SENP5: variants seen among roughly 807,000 people sequenced by gnomAD.
SENP5 encodes SUMO specific peptidase 5.
Under a neutral mutation model 74.2 loss-of-function variants are expected in SENP5, and 21 were observed. The ratio of observed to expected loss-of-function variants is 0.28; its 90% confidence interval spans 0.20 to 0.41. The LOEUF (loss-of-function observed/expected upper bound fraction) is 0.41. Ranked by LOEUF, SENP5 falls within the 10% of genes least tolerant of loss-of-function variation. The probability of loss-of-function intolerance (pLI) is 1.00; values close to 1 mark genes in which losing one functional copy is unlikely to be tolerated. For missense variants in SENP5, 717 were observed against 889.1 expected, an observed-to-expected ratio of 0.81 and a Z score of 2.46; for synonymous variants, 311 against 312.7, an observed-to-expected ratio of 0.99 and a Z score of 0.06.
At chr3:196,872,064 G>C (rs574557736) in intron 1 of SENP5, among the ~76,000 whole-genome samples, 1 of 152,184 alleles carries the variant, frequency 6.6e-6, no homozygotes, top group South Asian at 2.1e-4. Context: ...TAACTTTTTC[G>C]TAGTGAAGCT....
chr3:196,933,774 T>G lies in SENP5; in HGVS notation c.*2851T>G, dbSNP rs2108873690. The G allele has an allele frequency of 6.6e-6, 1 of 152,250 alleles. No homozygotes were observed. The highest frequency in any genetic ancestry group is 2.1e-4 in the South Asian group (1 of 4,820). The allele number at this position is 152,250 out of a possible 1,614,324, so 9.4% of individuals were successfully genotyped here. On this transcript the variant is annotated 3_prime_UTR_variant, in exon 10 of 10. Transcript: ENST00000323460. ...CGCCACCACTCCCAGCTAATTTTTG[T>G]ATTTTTAGTAGAGACAGGGTTTTGC...
intron 6 of SENP5, among the ~76,000 whole-genome samples, chr3:196,909,166 A>T (rs1251929366): frequency 1.3e-5 from 2 of 152,214 alleles, no homozygotes; most frequent in Non-Finnish European, 1.5e-5. Context: ...ATCTAGAAGA[A>T]ACGGATAAAT....
At chr3:196,907,989 G>A (rs1239189520) in intron 6 of SENP5, among the ~76,000 whole-genome samples, 10 of 152,164 alleles carry the variant, frequency 6.6e-5, no homozygotes, top group Non-Finnish European at 1.5e-4. Flanking sequence ...ATTTAAAGAG[G>A]CTGGGCGCTG....
chr3:196,912,236 G>A (rs1715164169), intron 6 of SENP5, among the ~76,000 whole-genome samples: 1 of 152,212 alleles, frequency 6.6e-6, no homozygotes, highest in Non-Finnish European at 1.5e-5. Context: ...GGAATACTAT[G>A]CAGCCATTTA....
At chr3:196,915,700 A>G (rs540135386) in intron 6 of SENP5, among the ~76,000 whole-genome samples, 8 of 152,294 alleles carry the variant, frequency 5.3e-5, no homozygotes, top group Admixed American at 4.6e-4. Context: ...CAGGCAGCCC[A>G]TCATGGAGAG....
At position 196,925,167 on chromosome 3, in the gene SENP5, G is replaced by GTT. The variant is rs11304524; in HGVS notation, c.2022+1626_2022+1627dup. ...TAAAGAGGATTTGGCCTCATTTTGC[G>GTT]TTTTTTTTTTTACAAGGAGAATATT... On this transcript the variant is annotated intron_variant, in intron 7 of 9. Transcript: ENST00000323460. 2.2e-3 allele frequency among the ~76,000 whole-genome samples: 323 copies of GTT among 146,758 alleles called. 1 individual carries two copies. The highest frequency in any genetic ancestry group is 3.4e-3 in the Non-Finnish European group (229 of 66,494).
At chr3:196,929,775 T>C (rs1715956204) in intron 9 of SENP5, 92 bp downstream of exon 9, 3 of 840,750 alleles carry the variant, frequency 3.6e-6, no homozygotes, top group Non-Finnish European at 6.1e-6. Flanking sequence ...TATGTGTATA[T>C]GATGCTAGGT....
rs551200128 is a variant in SENP5, at chr3:196,932,264, G to A, written c.*1341G>A. ...GAGGAAAACCAACCAATGTATGTAT[G>A]AGAAACTCAGAAGTCTGAATAGAAA... On this transcript the variant is annotated 3_prime_UTR_variant, in exon 10 of 10. Coordinates refer to ENST00000323460, the MANE Select transcript of SENP5 (RefSeq NM_152699.5). The A allele has an allele frequency of 6.4e-6, 1 of 156,136 alleles. No individual in the cohort carries two copies. Among genetic ancestry groups the A allele is most frequent in the Admixed American group, 6.5e-5 (1 of 15,328 alleles). The allele number at this position is 156,136 out of a possible 1,614,324, so 9.7% of individuals were successfully genotyped here.
chr3:196,923,744 T>A (rs985601287), intron 7 of SENP5, among the ~76,000 whole-genome samples, 193 bp downstream of exon 7: 2 of 152,156 alleles, frequency 1.3e-5, no homozygotes, highest in African/African-American at 4.8e-5. Context: ...AGGATCCAGA[T>A]CCCCCTCTGA....
Position 196,912,118 on chromosome 3 carries a change from C to T in SENP5, c.1884+8508C>T, listed in dbSNP as rs149384502. On this transcript the variant is annotated intron_variant, in intron 6 of 9. Transcript: ENST00000323460. ...GAATATAAATCATTCTCTATAGAGACATATGCGTGTGTATATTTATTGCAG... is the reference window on the plus strand; with the variant it reads ...GAATATAAATCATTCTCTATAGAGATATATGCGTGTGTATATTTATTGCAG... Among the ~76,000 whole-genome samples the T allele has an allele frequency of 2.0e-5, 3 of 152,272 alleles. No individual in the cohort carries two copies. The East Asian group carries it at 5.8e-4, about 29-fold the overall frequency.
At chr3:196,925,997 A>G (rs1715797952) in intron 7 of SENP5, among the ~76,000 whole-genome samples, 1 of 152,178 alleles carries the variant, frequency 6.6e-6, no homozygotes, top group African/African-American at 2.4e-5. Flanking sequence ...AGGGGCCTGT[A>G]TTTCCAAAGA....
rs190557771 is a variant in SENP5 at position 196,903,065 on chromosome 3, G to A, written c.1807-468G>A. 2.8e-3 allele frequency among the ~76,000 whole-genome samples: 429 copies of A among 152,222 alleles called. 4 individuals are homozygous for A. Among genetic ancestry groups the A allele is most frequent in the Middle Eastern group, 3.4e-3 (1 of 294 alleles). On this transcript the variant is annotated intron_variant, in intron 5 of 9. Transcript: ENST00000323460. ...GCTGACTATAGACCACAGCTGTAAG[G>A]TCATTCCAATAAAACTTTGGAACAG...
intron 1 of SENP5, among the ~76,000 whole-genome samples, chr3:196,877,565 T>G (rs1167653289): frequency 6.6e-6 from 1 of 152,190 alleles, no homozygotes; most frequent in South Asian, 2.1e-4. Flanking sequence ...TAAATTGATA[T>G]TTGCACAGTA....
intron 2 of SENP5, among the ~76,000 whole-genome samples, chr3:196,897,754 G>A (rs373995151): frequency 3.7e-4 from 56 of 152,320 alleles, no homozygotes; most frequent in African/African-American, 1.0e-3. Flanking sequence ...AGACTTAACC[G>A]TCAGACTGAT....
At chr3:196,877,787 T>C (rs1388843596) in intron 1 of SENP5, among the ~76,000 whole-genome samples, 1 of 152,248 alleles carries the variant, frequency 6.6e-6, no homozygotes, top group East Asian at 1.9e-4. Flanking sequence ...CCAGGTTGCC[T>C]TGGGCACAGT....
At position 196,933,230 on chromosome 3, in the gene SENP5, G is replaced by C. The variant is rs966867534; in HGVS notation, c.*2307G>C. 5.3e-5 allele frequency: 8 copies of C among 152,062 alleles called. No homozygotes were observed. Among genetic ancestry groups the C allele is most frequent in the African/African-American group, 1.7e-4 (7 of 41,386 alleles). 9.4% of individuals were successfully genotyped at this position (152,062 alleles called of 1,614,324 possible). Reference sequence around the variant, plus strand: ...AGGATTTCACCATGTTGGCCAGGCTGGTCTTGAACTCCTGACCTCAAGTGA... The same window carrying C: ...AGGATTTCACCATGTTGGCCAGGCTCGTCTTGAACTCCTGACCTCAAGTGA... On this transcript the variant is annotated 3_prime_UTR_variant, in exon 10 of 10. Transcript: ENST00000323460.
chr3:196,901,049 C>CTT (rs202049526), intron 5 of SENP5, among the ~76,000 whole-genome samples: 5,313 of 107,508 alleles, frequency 0.049, 361 homozygotes, highest in African/African-American at 0.14. Context: ...ATTTATTTTA[C>CTT]TTTTTTTTTT....
At position 196,886,152 on chromosome 3, in the gene SENP5, C is replaced by A; in HGVS notation, c.971C>A (p.Pro324His). 6.2e-7 allele frequency: 1 copy of A among 1,614,208 alleles called. No homozygotes were observed. The highest frequency in any genetic ancestry group is 8.5e-7 in the Non-Finnish European group (1 of 1,180,038). Residue 324 changes from proline (P) to histidine (H), a missense_variant, in exon 2 of 10, where the codon CCT becomes CAT. By Grantham distance (77) the Pro-to-His change is moderately conservative. Around this residue, in one of 4 missense-constraint regions of SENP5, gnomAD observed 567 missense variants for 577.4 expected, o/e 0.98. Coordinates refer to ENST00000323460, the MANE Select transcript of SENP5 (RefSeq NM_152699.5). ...GTGAAGGGGACGAACTCTCATGTGCCTGATTGCCACACTAAAGGAAGCTCT... is the reference window on the plus strand; with the variant it reads ...GTGAAGGGGACGAACTCTCATGTGCATGATTGCCACACTAAAGGAAGCTCT... ...AVVKGTNSHV[P>H]DCHTKGSSFL...
chr3:196,885,721 T>C lies in SENP5; in HGVS notation c.540T>C (p.Ser180=). 6.2e-7 allele frequency: 1 copy of C among 1,614,074 alleles called. No homozygotes were observed. Among genetic ancestry groups the C allele is most frequent in the Non-Finnish European group, 8.5e-7 (1 of 1,180,016 alleles). ...FNGESQSPGE[S]GTIVVTLNNH... is the part of the protein sequence containing the mutation. ...GGGAGAGCCAAAGTCCAGGTGAGAG[T>C]GGCACGATTGTGGTCACCTTGAACA... is the stretch of plus-strand genomic sequence containing the variant. Residue 180 remains serine, a synonymous_variant, in exon 2 of 10, where the codon AGT becomes AGC. Transcript: ENST00000323460.
Sources: gnomAD v4.1 joint callset for allele counts (sites outside exome capture counted in the v4.1 genomes callset) on GRCh38, gnomAD v4.1.1 for gene constraint, gnomAD v4.1.1 regional missense constraint, MANE v1.5 for transcripts, NCBI Gene and HGNC (gene_info 2026-07-23, HGNC 2026-07-21) for gene names.